The following PRKG1 variants were observed in gnomAD, a reference collection of about 807,000 sequenced individuals.
PRKG1 encodes cGMP-dependent protein kinase 1.
PRKG1 carries 35 observed loss-of-function variants against 88.1 expected under a neutral mutation model. The observed-to-expected ratio is 0.40, with a 90% CI of 0.30 to 0.53. The LOEUF is 0.53. Among genes scored for constraint, PRKG1 ranks in the 20% least tolerant of loss-of-function variants. The pLI is 0.59. For missense variants in PRKG1, 540 were observed against 839.8 expected, an observed-to-expected ratio of 0.64 and a Z score of 4.41; for synonymous variants, 303 against 292.5, an observed-to-expected ratio of 1.04 and a Z score of -0.37.
intron 8 of PRKG1, among the ~76,000 whole-genome samples, chr10:52,142,659 G>A (rs1044134183): frequency 6.6e-6 from 1 of 152,004 alleles, no homozygotes; most frequent in Non-Finnish European, 1.5e-5. Context: ...CATCATCCTG[G>A]CTAAATATTT....
At chr10:51,062,413 AC>A (rs1210593090) in intron 1 of PRKG1, among the ~76,000 whole-genome samples, 3 of 152,064 alleles carry the variant, frequency 2.0e-5, no homozygotes, top group African/African-American at 7.2e-5. Flanking sequence ...CTCTGGACAG[AC>A]TTCACTTTTC....
chr10:52,035,950 C>T (rs61849872), intron 5 of PRKG1, among the ~76,000 whole-genome samples: 81 of 148,548 alleles, frequency 5.5e-4, no homozygotes, highest in Middle Eastern at 3.5e-3. Context: ...ATTCTGACCA[C>T]GCTAACCATG....
Position 51,780,209 on chromosome 10 carries a change from T to C in PRKG1, c.593-24376T>C, listed in dbSNP as rs140408806. Among the ~76,000 whole-genome samples, 873 of 152,154 alleles carry C rather than the reference T, an allele frequency of 5.7e-3. 5 individuals carry two copies. The highest frequency in any genetic ancestry group is 6.6e-3 in the Non-Finnish European group (449 of 67,984). ...CAGTAGTTTGTACCCTGTCTTACCTTTGGGTTGAGTAGTGTTTGAACTGAG... is the reference window on the plus strand; with the variant it reads ...CAGTAGTTTGTACCCTGTCTTACCTCTGGGTTGAGTAGTGTTTGAACTGAG... On this transcript the variant is annotated intron_variant, in intron 3 of 17. Coordinates refer to ENST00000373980, the MANE Select transcript of PRKG1 (RefSeq NM_006258.4).
At chr10:51,601,331 G>A (rs532941512) in intron 3 of PRKG1, among the ~76,000 whole-genome samples, 3 of 152,178 alleles carry the variant, frequency 2.0e-5, no homozygotes, top group Admixed American at 6.5e-5. Flanking sequence ...AAATAAAACC[G>A]TACATGAATA....
chr10:52,161,824 C>T lies in PRKG1; in HGVS notation c.1002-65C>T, dbSNP rs73344945. 17,487 of 1,352,386 alleles carry T rather than the reference C, an allele frequency of 0.013. 984 individuals are homozygous for T. The African/African-American group carries it at 0.16, about 12-fold the overall frequency. The allele number at this position is 1,352,386 out of a possible 1,614,324, so 83.8% of individuals were successfully genotyped here. A position where few individuals can be genotyped will look rare whatever the true frequency, so the allele number is the denominator to read the frequency against. On this transcript the variant is annotated intron_variant, in intron 8 of 17. Coordinates refer to ENST00000373980, the MANE Select transcript of PRKG1 (RefSeq NM_006258.4). ...GTCTTTAGATTGTTTCACTATATCA[C>T]TGACTAGGTTGCCATTGCTACTATT...
intron 3 of PRKG1, among the ~76,000 whole-genome samples, chr10:51,758,852 C>A (rs778163539): frequency 6.7e-6 from 1 of 148,868 alleles, no homozygotes; most frequent in Non-Finnish European, 1.5e-5. Context: ...CTCTTCCCCC[C>A]CACCCCCCGA....
At chr10:51,044,625 C>T (rs1289882652) in intron 1 of PRKG1, among the ~76,000 whole-genome samples, 1 of 151,930 alleles carries the variant, frequency 6.6e-6, no homozygotes, top group Non-Finnish European at 1.5e-5. Context: ...ATTCTCCACA[C>T]CACATAGCTT....
intron 2 of PRKG1, among the ~76,000 whole-genome samples, chr10:51,161,566 G>T (rs1478871345): frequency 6.6e-6 from 1 of 152,054 alleles, no homozygotes; most frequent in African/African-American, 2.4e-5. Flanking sequence ...AAGCTAAAAA[G>T]TTTGAAAATT....
chr10:51,190,887 G>A (rs1463799501), intron 2 of PRKG1, among the ~76,000 whole-genome samples: 1 of 151,822 alleles, frequency 6.6e-6, no homozygotes, highest in Non-Finnish European at 1.5e-5. Context: ...ATGAAACAAA[G>A]GGTGTAATGT....
chr10:51,047,099 C>T (rs544338412), intron 1 of PRKG1, among the ~76,000 whole-genome samples: 32 of 152,252 alleles, frequency 2.1e-4, no homozygotes, highest in African/African-American at 7.5e-4. Flanking sequence ...TTCTCACGTG[C>T]ATTGTAGAGT....
chr10:51,916,106 A>G (rs1413108764), intron 5 of PRKG1, among the ~76,000 whole-genome samples: 2 of 152,122 alleles, frequency 1.3e-5, no homozygotes, highest in South Asian at 4.2e-4. Flanking sequence ...AGCCAGAGCA[A>G]CCCCATCTTG....
rs1016015843 is a variant in PRKG1 at position 51,707,586 on chromosome 10, A to G, written c.593-96999A>G. ...CCCTATTTAAGTGGAACAACGCATG[A>G]ATCTTTTTTTTTTTTCCTGTGACCG... On this transcript the variant is annotated intron_variant, in intron 3 of 17. Transcript: ENST00000373980. 2.0e-5 allele frequency among the ~76,000 whole-genome samples: 3 copies of G among 146,802 alleles called. No homozygotes were observed. In the East Asian group the frequency reaches 5.9e-4, roughly 29 times the overall value.
At chr10:51,519,983 C>G (rs915645393) in intron 3 of PRKG1, among the ~76,000 whole-genome samples, 4 of 152,092 alleles carry the variant, frequency 2.6e-5, no homozygotes, top group African/African-American at 9.7e-5. Context: ...ATTTTTACAA[C>G]AAACCTATAA....
chr10:51,936,494 AACTG>A (rs749761928), intron 5 of PRKG1, among the ~76,000 whole-genome samples: 9 of 152,016 alleles, frequency 5.9e-5, no homozygotes, highest in Non-Finnish European at 1.3e-4. Context: ...ACAAGGGGCT[AACTG>A]GATTTGTACC....
rs181563232 is a variant in PRKG1, at chr10:51,228,856, C to T, written c.478+75526C>T. ...CCCAGACTAATAAAGCCCTACGTGG[C>T]CTGGATCCTGCTTACATTTTCTCTA... On this transcript the variant is annotated intron_variant, in intron 2 of 17. Transcript: ENST00000373980. 1.1e-4 allele frequency among the ~76,000 whole-genome samples: 16 copies of T among 152,320 alleles called. No individual in the cohort carries two copies. The East Asian group carries it at 3.1e-3, about 29-fold the overall frequency.
At chr10:51,123,323 A>G (rs766788421) in intron 1 of PRKG1, among the ~76,000 whole-genome samples, 1 of 152,146 alleles carries the variant, frequency 6.6e-6, no homozygotes, top group Non-Finnish European at 1.5e-5. Flanking sequence ...ATCAGCCCAA[A>G]AAAGGCTTAT....
rs139040247 is a variant in PRKG1 at position 51,147,665 on chromosome 10, A to G, written c.312-5499A>G. Among the ~76,000 whole-genome samples, 427 of 152,340 alleles carry G rather than the reference A, an allele frequency of 2.8e-3. 1 individual carries two copies. Among genetic ancestry groups the G allele is most frequent in the African/African-American group, 9.6e-3 (401 of 41,580 alleles). ...AATATTACAATGTATGTAATAAAAGATAAATATTATTGTTCACCAAATAAC... is the reference window on the plus strand; with the variant it reads ...AATATTACAATGTATGTAATAAAAGGTAAATATTATTGTTCACCAAATAAC... On this transcript the variant is annotated intron_variant, in intron 1 of 17. Transcript: ENST00000373980.
chr10:50,991,491 G>A lies in PRKG1; in HGVS notation c.113G>A (p.Arg38Lys). ...GAGGAAGAAATTCAGGAGCTGAAGA[G>A]GAAACTCCACAAATGCCAGTCGGTG... Residue 38 changes from arginine to lysine, a missense_variant, in exon 1 of 18, where the codon AGG becomes AAG. Coordinates refer to the PRKG1 transcript ENST00000401604. The surrounding 1 kb of genome is among the most constrained non-coding windows in gnomAD (Gnocchi z 4.5). 1 of 1,611,158 alleles carries A rather than the reference G, an allele frequency of 6.2e-7. No individual in the cohort carries two copies.
At chr10:51,825,294 G>T (rs1190688512) in intron 4 of PRKG1, among the ~76,000 whole-genome samples, 1 of 152,114 alleles carries the variant, frequency 6.6e-6, no homozygotes, top group Admixed American at 6.6e-5. Context: ...AGTCACATCT[G>T]CATGATTTTT....
Sources: allele counts gnomAD v4.1 joint callset (sites outside exome capture counted in the v4.1 genomes callset), GRCh38; gene constraint gnomAD v4.1.1; non-coding constraint Gnocchi (gnomAD v3.1); transcripts MANE v1.5; gene names NCBI Gene and HGNC (gene_info 2026-07-23, HGNC 2026-07-21).